Variants in FSTL4 observed in about 807,000 individuals in gnomAD.
FSTL4 encodes follistatin like 4.
Under a neutral mutation model 78.2 loss-of-function variants are expected in FSTL4, and 28 were observed. The ratio of observed to expected loss-of-function variants is 0.36; its 90% CI spans 0.27 to 0.49. The LOEUF is 0.49. Among genes scored for constraint, FSTL4 ranks in the 20% least tolerant of loss-of-function variants. The probability of loss-of-function intolerance (pLI) is 0.98; values close to 1 mark genes in which losing one functional copy is unlikely to be tolerated. For synonymous variants in FSTL4, 422 were observed against 440.5 expected, an observed-to-expected ratio of 0.96 and a Z score of 0.53; for missense variants, 922 against 1,084.9, an observed-to-expected ratio of 0.85 and a Z score of 2.11.
At chr5:133,767,287 G>A in the FSTL4 span, among the ~76,000 whole-genome samples, 99 of 152,200 alleles carry the variant, frequency 6.5e-4, no homozygotes, top group Admixed American at 3.3e-3. Context: ...GGTGAGGGGG[G>A]CATCGATTCT....
chr5:133,428,005 C>T (rs979762784), intron 3 of FSTL4, among the ~76,000 whole-genome samples: 1 of 152,210 alleles, frequency 6.6e-6, no homozygotes. Context: ...AAATCACACT[C>T]TATACCCAGA....
chr5:133,601,046 G>A (rs1332016190), intron 2 of FSTL4, among the ~76,000 whole-genome samples: 1 of 152,194 alleles, frequency 6.6e-6, no homozygotes, highest in Non-Finnish European at 1.5e-5. Context: ...TAACACGCAA[G>A]GACTATCTTG....
At chr5:133,243,486 C>T (rs894505218) in intron 7 of FSTL4, among the ~76,000 whole-genome samples, 1 of 152,220 alleles carries the variant, frequency 6.6e-6, no homozygotes, top group Non-Finnish European at 1.5e-5. Context: ...GACCCATATC[C>T]AATTTGATAC....
intron 3 of FSTL4, among the ~76,000 whole-genome samples, chr5:133,522,712 C>T (rs1373198259): frequency 6.6e-6 from 1 of 152,210 alleles, no homozygotes; most frequent in East Asian, 1.9e-4. Context: ...GCCCCAGTGG[C>T]CCTTCAGGGC....
the FSTL4 span, among the ~76,000 whole-genome samples, chr5:133,665,532 C>T: frequency 1.3e-5 from 2 of 152,134 alleles, no homozygotes; most frequent in Non-Finnish European, 2.9e-5. Context: ...CGGTGCTTGC[C>T]CCTAAGAATA....
At chr5:133,340,010 T>C (rs1052700627) in intron 4 of FSTL4, among the ~76,000 whole-genome samples, 5 of 152,178 alleles carry the variant, frequency 3.3e-5, no homozygotes, top group African/African-American at 1.2e-4. Context: ...CTTATTTCCC[T>C]GCATGAGTGC....
At chr5:133,425,782 C>T (rs1012435681) in intron 3 of FSTL4, among the ~76,000 whole-genome samples, 1 of 152,208 alleles carries the variant, frequency 6.6e-6, no homozygotes, top group Admixed American at 6.5e-5. Flanking sequence ...AGATATGGAT[C>T]CTGCCCTCAA....
intron 3 of FSTL4, among the ~76,000 whole-genome samples, chr5:133,514,682 C>G (rs1015414428): frequency 4.6e-5 from 7 of 152,172 alleles, no homozygotes; most frequent in African/African-American, 1.7e-4. Context: ...GAAATCGATA[C>G]TACACTTACC....
intron 3 of FSTL4, among the ~76,000 whole-genome samples, chr5:133,464,229 G>A (rs372751089): frequency 4.6e-5 from 7 of 152,338 alleles, no homozygotes; most frequent in Middle Eastern, 3.4e-3. Context: ...CTCTATCTGA[G>A]CGCAAATCCA....
chr5:133,693,098 G>A, the FSTL4 span, among the ~76,000 whole-genome samples: 2 of 152,216 alleles, frequency 1.3e-5, no homozygotes, highest in Admixed American at 1.3e-4. Flanking sequence ...GCCACATACT[G>A]AGGAAGTTCT....
chr5:133,600,532 A>C (rs941835213), intron 2 of FSTL4, among the ~76,000 whole-genome samples: 6 of 151,782 alleles, frequency 4.0e-5, no homozygotes, highest in Non-Finnish European at 2.9e-5. Context: ...CTGCCACTCC[A>C]CTCTTATGAA....
chr5:133,261,994 CA>C (rs35169871), intron 6 of FSTL4, among the ~76,000 whole-genome samples: 14,463 of 110,734 alleles, frequency 0.13, 1,942 homozygotes, highest in African/African-American at 0.37. Context: ...GACCTAGTCT[CA>C]AAAAAAAAAA....
At chr5:133,441,468 T>C (rs11242155) in intron 3 of FSTL4, among the ~76,000 whole-genome samples, 4 of 150,206 alleles carry the variant, frequency 2.7e-5, no homozygotes, top group Non-Finnish European at 5.9e-5. Context: ...AAACGTTTAG[T>C]GCAGATAGGC....
chr5:133,775,535 C>T, the FSTL4 span, among the ~76,000 whole-genome samples: 1 of 152,188 alleles, frequency 6.6e-6, no homozygotes, highest in East Asian at 1.9e-4. Context: ...CGACAAAAAC[C>T]ACCGATTACA....
chr5:133,396,614 A>AG (rs1477363529), intron 4 of FSTL4, among the ~76,000 whole-genome samples: 1 of 152,338 alleles, frequency 6.6e-6, no homozygotes, highest in East Asian at 1.9e-4. Context: ...TTTCCCTGGC[A>AG]GGACAGAGAA....
intron 3 of FSTL4, among the ~76,000 whole-genome samples, chr5:133,488,486 T>TCAAGTGATCTG (rs1027909833): frequency 6.6e-6 from 1 of 152,168 alleles, no homozygotes; most frequent in Non-Finnish European, 1.5e-5. Context: ...ACTCCTGACC[T>TCAAGTGATCTG]CAAGTGATCT....
chr5:133,309,058 T>A (rs1193005645), intron 6 of FSTL4, among the ~76,000 whole-genome samples: 8 of 152,226 alleles, frequency 5.3e-5, no homozygotes, highest in African/African-American at 1.9e-4. Context: ...GATCCCAACC[T>A]GAGCACTCAG....
chr5:133,399,107 G>C (rs25733), intron 4 of FSTL4, among the ~76,000 whole-genome samples: 136,065 of 152,208 alleles, frequency 0.89, 60,940 homozygotes, highest in Non-Finnish European at 0.91. Flanking sequence ...GTGAGGGAGG[G>C]TGTGCACACT....
At chr5:133,296,234 C>T (rs1354080569) in intron 6 of FSTL4, among the ~76,000 whole-genome samples, 1 of 152,120 alleles carries the variant, frequency 6.6e-6, no homozygotes, top group Non-Finnish European at 1.5e-5. Flanking sequence ...TCTTTGGCAC[C>T]GCCCTTCAGA....
Sources: allele counts gnomAD v4.1 joint callset (sites outside exome capture counted in the v4.1 genomes callset), GRCh38; gene constraint gnomAD v4.1.1; transcripts MANE v1.5; gene names NCBI Gene and HGNC (gene_info 2026-07-23, HGNC 2026-07-21).